PCDHGA2: variants seen among roughly 807,000 people sequenced by gnomAD.
The protein encoded by PCDHGA2 is protocadherin gamma subfamily A, 2, also known as protocadherin gamma-A2.
In PCDHGA2, 40 loss-of-function variants were observed where a neutral mutation model predicts 59.2. The ratio of observed to expected loss-of-function variants is 0.68; its 90% CI spans 0.52 to 0.88. The LOEUF is 0.88. Among genes scored for constraint, PCDHGA2 ranks in the 40% least tolerant of loss-of-function variants. The pLI is 0.00. For synonymous variants in PCDHGA2, 560 were observed against 526.0 expected, an observed-to-expected ratio of 1.06 and a Z score of -0.89; for missense variants, 1,226 against 1,204.0, an observed-to-expected ratio of 1.02 and a Z score of -0.27.
chr5:141,409,522 G>A (rs371017853), intron 1 of PCDHGA2: 30 of 1,613,874 alleles, frequency 1.9e-5, no homozygotes, highest in Non-Finnish European at 2.3e-5. Flanking sequence ...GCATCACCTT[G>A]TATGTCGCTG....
chr5:141,394,433 G>A lies in PCDHGA2; in HGVS notation c.2424+53038G>A, dbSNP rs1180818373. ...TAACAGCCAGCGACAGCGGGGACCC[G>A]CCCCTCAGCAGCAACATGTCACTGA... On this transcript the variant is annotated intron_variant, in intron 1 of 3. Coordinates refer to ENST00000394576, the MANE Select transcript of PCDHGA2 (RefSeq NM_018915.4). 3.7e-6 allele frequency: 6 copies of A among 1,614,088 alleles called. No homozygotes were observed. The East Asian group carries it at 8.9e-5, about 24-fold the overall frequency.
chr5:141,346,807 T>C (rs1164113856), intron 1 of PCDHGA2, among the ~76,000 whole-genome samples: 2 of 152,250 alleles, frequency 1.3e-5, no homozygotes, highest in African/African-American at 2.4e-5. Flanking sequence ...AACACAACAC[T>C]GGTTTGTATA....
At chr5:141,343,850 T>C (rs987195150) in intron 1 of PCDHGA2, 15 of 529,078 alleles carry the variant, frequency 2.8e-5, no homozygotes, top group Non-Finnish European at 4.9e-5. Context: ...GCTCCTAAAA[T>C]GCAAAGAACC....
intron 1 of PCDHGA2, chr5:141,413,266 GGA>G: frequency 6.2e-7 from 1 of 1,613,962 alleles, no homozygotes; most frequent in South Asian, 1.1e-5. Context: ...ATGGGAGGCT[GGA>G]GCCCGGCAGA....
intron 1 of PCDHGA2, among the ~76,000 whole-genome samples, chr5:141,471,046 CTTTT>C (rs1170588345): frequency 5.3e-5 from 6 of 113,264 alleles, no homozygotes; most frequent in Admixed American, 9.3e-5. Context: ...CCCAAGCCCT[CTTTT>C]TTTTTTTTTT....
chr5:141,345,371 T>G, intron 1 of PCDHGA2: 1 of 1,614,072 alleles, frequency 6.2e-7, no homozygotes, highest in Non-Finnish European at 8.5e-7. Context: ...TTGACATCAA[T>G]GACAACCCAC....
intron 1 of PCDHGA2, chr5:141,365,281 G>C (rs752099096): frequency 1.2e-6 from 2 of 1,614,000 alleles, no homozygotes; most frequent in East Asian, 2.2e-5. Flanking sequence ...TCTACCTCAT[G>C]GAAGTGGTAG....
At chr5:141,364,814 G>T in intron 1 of PCDHGA2, 1 of 1,614,042 alleles carries the variant, frequency 6.2e-7, no homozygotes, top group Non-Finnish European at 8.5e-7. Flanking sequence ...GGATGCGGAT[G>T]TGGGTGTGAA....
intron 1 of PCDHGA2, chr5:141,393,056 C>A: frequency 6.2e-7 from 1 of 1,613,606 alleles, no homozygotes; most frequent in Non-Finnish European, 8.5e-7. Flanking sequence ...ACCCGCGCAG[C>A]GGCAGCTTGA....
chr5:141,423,082 G>A (rs1390567548), intron 1 of PCDHGA2: 3 of 1,614,078 alleles, frequency 1.9e-6, no homozygotes, highest in Admixed American at 1.7e-5. Flanking sequence ...GGGACTCTTC[G>A]CGGTGGGGGA....
At chr5:141,474,130 C>T (rs28684928) in intron 1 of PCDHGA2, among the ~76,000 whole-genome samples, 6 of 152,160 alleles carry the variant, frequency 3.9e-5, no homozygotes. Context: ...TCTCAGAAAA[C>T]TACAGGCCTT....
At chr5:141,413,374 G>A (rs528233301) in intron 1 of PCDHGA2, 1 of 1,613,946 alleles carries the variant, frequency 6.2e-7, no homozygotes, top group East Asian at 2.2e-5. Context: ...GGCGGAGCGC[G>A]GAGTCCGCAT....
intron 1 of PCDHGA2, chr5:141,417,768 C>T: frequency 6.9e-7 from 1 of 1,451,358 alleles, no homozygotes; most frequent in Non-Finnish European, 9.1e-7. Context: ...ACCCGGGACT[C>T]CTCCTGTCCT....
chr5:141,357,084 CGCACGG>C, intron 1 of PCDHGA2: 1 of 1,613,912 alleles, frequency 6.2e-7, no homozygotes, highest in Middle Eastern at 1.6e-4. Flanking sequence ...AGGTGCGCAC[CGCACGG>C]GCCCTGCTGG....
Position 141,477,230 on chromosome 5 carries a change from G to A in PCDHGA2, c.2425-17577G>A, listed in dbSNP as rs768648952. The A allele has an allele frequency of 1.3e-5, 21 of 1,614,164 alleles. No individual in the cohort carries two copies. The highest frequency in any genetic ancestry group is 1.8e-5 in the Non-Finnish European group (21 of 1,180,046). On this transcript the variant is annotated intron_variant, in intron 1 of 3. Coordinates refer to ENST00000394576, the MANE Select transcript of PCDHGA2 (RefSeq NM_018915.4). This position sits in a 1 kb window ranked among gnomAD's most constrained non-coding sequence, Gnocchi z 4.9. ...GGATGCCCCTCTGGGGACTGTCATC[G>A]CTTTGCTCAGTGTGACTGACCTGGA...
At chr5:141,412,133 C>T (rs2095537829) in intron 1 of PCDHGA2, 1 of 152,184 alleles carries the variant, frequency 6.6e-6, no homozygotes, top group African/African-American at 2.4e-5. Flanking sequence ...GGACTTTGGC[C>T]TCTGATACAA....
intron 1 of PCDHGA2, chr5:141,360,825 CA>C (rs765723429): frequency 1.9e-6 from 3 of 1,613,960 alleles, no homozygotes; most frequent in Non-Finnish European, 2.5e-6. Flanking sequence ...AAATCCGAAT[CA>C]AAGTCACGGA....
chr5:141,347,164 TTTC>T (rs2149744188), intron 1 of PCDHGA2, among the ~76,000 whole-genome samples: 1 of 146,904 alleles, frequency 6.8e-6, no homozygotes, highest in East Asian at 2.0e-4. Flanking sequence ...TCTTTCTTTC[TTTC>T]TTTCTTTCTT....
At position 141,339,387 on chromosome 5, in the gene PCDHGA2, A is replaced by G; in HGVS notation, c.416A>G (p.Glu139Gly). The change falls in exon 1 of 4, where the codon GAG becomes GGG. Residue 139 changes from glutamate (E) to glycine (G), a missense_variant. Coordinates refer to ENST00000394576, the MANE Select transcript of PCDHGA2 (RefSeq NM_018915.4). ...CCTCGCTTTGGAGTAGAGGAACTGG[A>G]GCTAAAAATCAGTGAAACCACTACG... ...NAPRFGVEELELKISETTTPG... is the reference protein window; with the variant it reads ...NAPRFGVEELGLKISETTTPG... The G allele has an allele frequency of 6.2e-7, 1 of 1,614,222 alleles. No individual in the cohort carries two copies. Among genetic ancestry groups the G allele is most frequent in the Non-Finnish European group, 8.5e-7 (1 of 1,180,026 alleles).
Sources: allele counts gnomAD v4.1 joint callset (sites outside exome capture counted in the v4.1 genomes callset), GRCh38; gene constraint gnomAD v4.1.1; non-coding constraint Gnocchi (gnomAD v3.1); transcripts MANE v1.5; gene names NCBI Gene and HGNC (gene_info 2026-07-23, HGNC 2026-07-21).